MTHFSD: variants seen among roughly 807,000 people sequenced by gnomAD.
MTHFSD encodes the protein methenyltetrahydrofolate synthetase domain containing.
Under a neutral mutation model 31.1 loss-of-function variants are expected in MTHFSD, and 37 were observed. The observed-to-expected ratio is 1.19, with a 90% CI of 0.91 to 1.56. The LOEUF (loss-of-function observed/expected upper bound fraction) is 1.56. Among genes scored for constraint, MTHFSD ranks in the 40% most tolerant of loss-of-function variants. MTHFSD has a pLI of 0.00. For missense variants in MTHFSD, 664 were observed against 510.1 expected, an observed-to-expected ratio of 1.30 and a Z score of -2.91; for synonymous variants, 221 against 206.9, an observed-to-expected ratio of 1.07 and a Z score of -0.59.
At chr16:86,553,661 G>C (rs1466483753) in intron 2 of MTHFSD, 1 of 154,594 alleles carries the variant, frequency 6.5e-6, no homozygotes, top group African/African-American at 2.4e-5. Flanking sequence ...CTCCTGTGCA[G>C]CTAGAGCCTC....
intron 2 of MTHFSD, 56 bp downstream of exon 2, chr16:86,554,589 T>G (rs943531979): frequency 1.6e-6 from 2 of 1,271,766 alleles, no homozygotes; most frequent in Non-Finnish European, 1.1e-6. Flanking sequence ...TTACTAGTGT[T>G]ATTCATTTAA....
intron 7 of MTHFSD, chr16:86,540,908 C>A: frequency 8.9e-7 from 1 of 1,126,714 alleles, no homozygotes; most frequent in South Asian, 2.1e-5. Flanking sequence ...AGGGAAAGTC[C>A]CGGCTGGGCT....
chr16:86,542,218 G>A lies in MTHFSD; in HGVS notation c.443-5C>T. The A allele has an allele frequency of 1.2e-6, 2 of 1,610,826 alleles. No individual in the cohort carries two copies. Among genetic ancestry groups the A allele is most frequent in the Non-Finnish European group, 1.7e-6 (2 of 1,178,050 alleles). On this transcript the variant is annotated splice_region_variant and splice_polypyrimidine_tract_variant and intron_variant, in intron 5 of 7. Transcript: ENST00000360900. This position sits in a 1 kb window ranked among gnomAD's most constrained non-coding sequence, Gnocchi z 4.6. ...CTCCCTTCCCGATTCTCCAGCCTAA[G>A]AGACAACCGAGAATCAGTATCGCTG...
intron 2 of MTHFSD, chr16:86,553,438 C>G (rs932692764): frequency 6.5e-6 from 1 of 152,744 alleles, no homozygotes; most frequent in Admixed American, 6.5e-5. Flanking sequence ...GGGAGAGGCG[C>G]GGGCGGGAAC....
At chr16:86,554,822 T>C (rs992292401) in intron 1 of MTHFSD, 71 bp from the exon 2 acceptor site, 2 of 1,310,738 alleles carry the variant, frequency 1.5e-6, no homozygotes, top group African/African-American at 1.5e-5. Flanking sequence ...CGCTTAACAG[T>C]AGTTAAGCGA....
At chr16:86,547,569 C>T in intron 4 of MTHFSD, 1 of 988,120 alleles carries the variant, frequency 1.0e-6, no homozygotes, top group South Asian at 4.6e-5. Flanking sequence ...CACTGACCAA[C>T]TGCAAAGGAA....
At chr16:86,541,513 C>T (rs370205699) in intron 7 of MTHFSD, 184 bp downstream of exon 7, 13 of 813,220 alleles carry the variant, frequency 1.6e-5, no homozygotes, top group Middle Eastern at 3.6e-4. Flanking sequence ...GAGATCCATA[C>T]GCAGATTCTT....
At chr16:86,535,872 CAG>C (rs1367480920) in intron 7 of MTHFSD, among the ~76,000 whole-genome samples, 1 of 151,820 alleles carries the variant, frequency 6.6e-6, no homozygotes, top group East Asian at 1.9e-4. Context: ...TTTTAAGAGA[CAG>C]GGTCTCACTG....
chr16:86,551,621 T>C (rs1973155736), intron 3 of MTHFSD, among the ~76,000 whole-genome samples: 2 of 152,200 alleles, frequency 1.3e-5, no homozygotes, highest in Non-Finnish European at 2.9e-5. Context: ...CAAGTGACCG[T>C]CTGTCATCCA....
At chr16:86,534,896 C>T (rs970497133) in intron 7 of MTHFSD, among the ~76,000 whole-genome samples, 2 of 152,146 alleles carry the variant, frequency 1.3e-5, no homozygotes. Context: ...TGGGGTCCAT[C>T]GGGAGCTGCG....
chr16:86,552,917 C>T (rs937263336), intron 2 of MTHFSD, among the ~76,000 whole-genome samples: 3 of 152,096 alleles, frequency 2.0e-5, no homozygotes, highest in African/African-American at 7.2e-5. Context: ...TTTTGAAAAG[C>T]GCTTTCTTTT....
In MTHFSD at chr16:86,531,872, GAGA is replaced by G. The variant is rs1472823251; in HGVS notation, c.*136_*138del. The G allele has an allele frequency of 1.5e-5, 8 of 528,556 alleles. No homozygotes were observed. Among genetic ancestry groups the G allele is most frequent in the Non-Finnish European group, 1.9e-5 (6 of 321,264 alleles). The allele number at this position is 528,556 out of a possible 1,614,324, so 32.7% of individuals were successfully genotyped here. A position where few individuals can be genotyped will look rare whatever the true frequency, so the allele number is the denominator to read the frequency against. ...GGGCGTTCACTGAGCGGTGACTTCT[GAGA>G]AGAATTGAGACCCGAGCAGCTCAGG... On this transcript the variant is annotated 3_prime_UTR_variant, in exon 8 of 8. Transcript: ENST00000360900. The surrounding 1 kb of genome is among the most constrained non-coding windows in gnomAD (Gnocchi z 5.5).
At position 86,555,090 on chromosome 16, in the gene MTHFSD, T is replaced by C. The variant is rs922149694; in HGVS notation, c.16+79A>G. On this transcript the variant is annotated intron_variant, in intron 1 of 7. Transcript: ENST00000360900. ...CTGCCCCATCCTCTGCCAGCCCCGG[T>C]GGCCCCGCCTCGACCCTCACCGGTC... The C allele has an allele frequency of 4.0e-6, 6 of 1,513,934 alleles. No homozygotes were observed. The African/African-American group carries it at 4.1e-5, about 10-fold the overall frequency. The allele number at this position is 1,513,934 out of a possible 1,614,324, so 93.8% of individuals were successfully genotyped here.
intron 5 of MTHFSD, among the ~76,000 whole-genome samples, chr16:86,545,414 T>C (rs1370567833): frequency 6.6e-6 from 1 of 152,086 alleles, no homozygotes; most frequent in Non-Finnish European, 1.5e-5. Context: ...AAGTGTTACT[T>C]TCTTCTTTAT....
intron 2 of MTHFSD, among the ~76,000 whole-genome samples, chr16:86,554,111 C>T (rs774540260): frequency 7.2e-5 from 11 of 152,146 alleles, no homozygotes; most frequent in East Asian, 1.9e-4. Context: ...GCAGCAACAA[C>T]CCTCTCCAAT....
chr16:86,551,608 T>C (rs191335888), intron 3 of MTHFSD, among the ~76,000 whole-genome samples: 22 of 152,344 alleles, frequency 1.4e-4, no homozygotes, highest in Non-Finnish European at 2.1e-4. Flanking sequence ...TATCAGAACA[T>C]GACAAGTGAC....
intron 4 of MTHFSD, chr16:86,548,115 A>T: frequency 7.7e-7 from 1 of 1,296,004 alleles, no homozygotes; most frequent in Non-Finnish European, 1.0e-6. Context: ...GTGGCACCTG[A>T]TGAACAGGCC....
chr16:86,537,164 C>T (rs776902025), intron 7 of MTHFSD, among the ~76,000 whole-genome samples: 4 of 152,102 alleles, frequency 2.6e-5, no homozygotes, highest in Non-Finnish European at 4.4e-5. Flanking sequence ...TTAGTATATG[C>T]TTGTTGTGGG....
At chr16:86,548,056 C>A in intron 4 of MTHFSD, 1 of 1,290,104 alleles carries the variant, frequency 7.8e-7, no homozygotes, top group Non-Finnish European at 1.0e-6. Context: ...GAGGCAATTT[C>A]CAATGGAGCA....
Sources: gnomAD v4.1 joint callset for allele counts (sites outside exome capture counted in the v4.1 genomes callset) on GRCh38, gnomAD v4.1.1 for gene constraint, Gnocchi (gnomAD v3.1) non-coding constraint, MANE v1.5 for transcripts, NCBI Gene and HGNC (gene_info 2026-07-23, HGNC 2026-07-21) for gene names.